CEP43: variants seen among roughly 807,000 people sequenced by gnomAD.
CEP43 encodes the protein centrosomal protein 43.
In CEP43, 36 loss-of-function variants were observed where a neutral mutation model predicts 52.6. The observed-to-expected ratio is 0.68, with a 90% CI of 0.52 to 0.90. CEP43 has a LOEUF of 0.90. Ranked by LOEUF, CEP43 falls within the 40% of genes least tolerant of loss-of-function variation. CEP43 has a pLI of 0.00. For missense variants in CEP43, 506 were observed against 472.8 expected (o/e 1.07, Z -0.65); for synonymous variants, 192 against 172.4 (o/e 1.11, Z -0.89).
chr6:167,035,243 T>G (rs1780558485), intron 12 of CEP43, among the ~76,000 whole-genome samples: 1 of 152,240 alleles, frequency 6.6e-6, no homozygotes, highest in Non-Finnish European at 1.5e-5. Flanking sequence ...GATTGGACTT[T>G]GACAGTCACT....
At position 166,999,467 on chromosome 6, in the gene CEP43, C is replaced by G. The variant is rs1175265866; in HGVS notation, c.55C>G (p.Leu19Val). Residue 19 changes from leucine (L) to valine (V), a missense_variant, in exon 1 of 13, where the codon CTG becomes GTG. Physicochemically the swap from Leu to Val is conservative, Grantham distance 32. Coordinates refer to ENST00000366847, the MANE Select transcript of CEP43 (RefSeq NM_007045.4). ...VAEEDTELRDLLVQTLENSGV... is the reference protein window; with the variant it reads ...VAEEDTELRDVLVQTLENSGV... ...CGAGGAGGACACGGAGCTGCGGGACCTGCTGGTGCAGACGCTGGAGAACAG... is the reference window on the plus strand; with the variant it reads ...CGAGGAGGACACGGAGCTGCGGGACGTGCTGGTGCAGACGCTGGAGAACAG... 4 of 1,484,460 alleles carry G rather than the reference C, an allele frequency of 2.7e-6. No individual in the cohort carries two copies. The highest frequency in any genetic ancestry group is 1.3e-5 in the South Asian group (1 of 76,990). The allele number at this position is 1,484,460 out of a possible 1,614,324, so 92.0% of individuals were successfully genotyped here. A position where few individuals can be genotyped will look rare whatever the true frequency, so the allele number is the denominator to read the frequency against.
chr6:167,028,301 T>C, intron 10 of CEP43: 1 of 985,388 alleles, frequency 1.0e-6, no homozygotes, highest in Non-Finnish European at 1.2e-6. Flanking sequence ...GGAGGGAATG[T>C]CGTTGCTGGG....
In CEP43 at chr6:167,043,897, G is replaced by A. The variant is rs974660375; in HGVS notation, c.*3919G>A. On this transcript the variant is annotated 3_prime_UTR_variant, in exon 13 of 13. Coordinates refer to ENST00000366847, the MANE Select transcript of CEP43 (RefSeq NM_007045.4). ...CGAGATAATTCAAGAACAAAAACCTGTGAAGGACTGAATGTGTCCCCCAAA... is the reference window on the plus strand; with the variant it reads ...CGAGATAATTCAAGAACAAAAACCTATGAAGGACTGAATGTGTCCCCCAAA... 1.3e-5 allele frequency: 2 copies of A among 152,214 alleles called. No individual in the cohort carries two copies. Among genetic ancestry groups the A allele is most frequent in the African/African-American group, 4.8e-5 (2 of 41,452 alleles). The allele number at this position is 152,214 out of a possible 1,614,324, so 9.4% of individuals were successfully genotyped here.
chr6:167,040,180 A>C lies in CEP43; in HGVS notation c.*202A>C. Reference sequence around the variant, plus strand: ...ATTTGAGCCCATGTGTGGAAGATTTAATATTCTTAATTTAACTGTACATTT... The same window carrying C: ...ATTTGAGCCCATGTGTGGAAGATTTCATATTCTTAATTTAACTGTACATTT... On this transcript the variant is annotated 3_prime_UTR_variant, in exon 13 of 13. Transcript: ENST00000366847. 6.5e-7 allele frequency: 1 copy of C among 1,531,212 alleles called. No homozygotes were observed. The highest frequency in any genetic ancestry group is 2.1e-4 in the Middle Eastern group (1 of 4,820). 94.9% of individuals were successfully genotyped at this position (1,531,212 alleles called of 1,614,324 possible). A position where few individuals can be genotyped will look rare whatever the true frequency, so the allele number is the denominator to read the frequency against.
intron 5 of CEP43, among the ~76,000 whole-genome samples, chr6:167,005,798 TG>T (rs1041568099): frequency 6.6e-6 from 1 of 152,230 alleles, no homozygotes; most frequent in Non-Finnish European, 1.5e-5. Context: ...CTCTCTTTAT[TG>T]GCTTTCCCCT....
In CEP43 at chr6:167,047,628, G is replaced by A. The variant is rs1027663536; in HGVS notation, c.*7650G>A. 4 of 152,112 alleles carry A rather than the reference G, an allele frequency of 2.6e-5. No homozygotes were observed. The highest frequency in any genetic ancestry group is 7.2e-5 in the African/African-American group (3 of 41,418). 9.4% of individuals were successfully genotyped at this position (152,112 alleles called of 1,614,324 possible). ...GTAAGGAGAAGAGAGAATACTTCTC[G>A]GATGATTGTTCAGTTTCTGATGAAT... On this transcript the variant is annotated 3_prime_UTR_variant, in exon 13 of 13. Coordinates refer to ENST00000366847, the MANE Select transcript of CEP43 (RefSeq NM_007045.4).
intron 12 of CEP43, among the ~76,000 whole-genome samples, chr6:167,034,705 A>G (rs1319041018): frequency 3.3e-5 from 5 of 152,224 alleles, no homozygotes; most frequent in Non-Finnish European, 7.3e-5. Context: ...GCAACCACAC[A>G]ATCTAAGTCA....
rs187413835 is a variant in CEP43 at position 167,016,949 on chromosome 6, T to G, written c.579+3382T>G. Among the ~76,000 whole-genome samples, 7 of 152,104 alleles carry G rather than the reference T, an allele frequency of 4.6e-5. No individual in the cohort carries two copies. The East Asian group carries it at 1.3e-3, about 29-fold the overall frequency. On this transcript the variant is annotated intron_variant, in intron 7 of 12. Coordinates refer to ENST00000366847, the MANE Select transcript of CEP43 (RefSeq NM_007045.4). ...CAGTCGTATGTAAATGGAAAAATGG[T>G]TATAAAAAATAATAATACAAATTTT... is the stretch of plus-strand genomic sequence containing the variant.
intron 10 of CEP43, among the ~76,000 whole-genome samples, chr6:167,031,121 A>C (rs961918044): frequency 2.6e-5 from 4 of 152,134 alleles, no homozygotes; most frequent in Admixed American, 2.0e-4. Flanking sequence ...GGGGTCTTGC[A>C]ATGTTGCCCA....
At chr6:167,017,427 A>C (rs1047133705) in intron 7 of CEP43, among the ~76,000 whole-genome samples, 13 of 152,216 alleles carry the variant, frequency 8.5e-5, no homozygotes, top group African/African-American at 3.1e-4. Context: ...CAAATACTAC[A>C]GCATTTTATA....
At chr6:167,028,017 C>T in intron 10 of CEP43, 1 of 985,692 alleles carries the variant, frequency 1.0e-6, no homozygotes, top group Non-Finnish European at 1.2e-6. Context: ...CTTTCCCTCC[C>T]TTGTGCTTTT....
intron 5 of CEP43, among the ~76,000 whole-genome samples, chr6:167,009,840 A>G (rs972433594): frequency 6.7e-6 from 1 of 150,242 alleles, no homozygotes; most frequent in African/African-American, 2.5e-5. Context: ...TGTTTCAAAA[A>G]AAAGAAAAAT....
chr6:167,015,895 A>T (rs979572986), intron 7 of CEP43, among the ~76,000 whole-genome samples: 1 of 152,200 alleles, frequency 6.6e-6, no homozygotes. Context: ...AATAAAGATT[A>T]AAGATAAAAG....
Position 166,999,433 on chromosome 6 carries a change from A to C in CEP43, c.21A>C (p.Ala7=). Residue 7 remains alanine, a synonymous_variant, in exon 1 of 13, where the codon GCA becomes GCC. Transcript: ENST00000366847. MAATAA[A]VVAEEDTELR... ...GCAAGATGGCGGCGACGGCGGCCGC[A>C]GTGGTGGCCGAGGAGGACACGGAGC... The C allele has an allele frequency of 6.8e-7, 1 of 1,478,008 alleles. No individual in the cohort carries two copies. Among genetic ancestry groups the C allele is most frequent in the Non-Finnish European group, 9.0e-7 (1 of 1,111,682 alleles). The allele number at this position is 1,478,008 out of a possible 1,614,324, so 91.6% of individuals were successfully genotyped here.
In CEP43 at chr6:167,041,702, A is replaced by G. The variant is rs1196942641; in HGVS notation, c.*1724A>G. 4 of 1,039,288 alleles carry G rather than the reference A, an allele frequency of 3.8e-6. No individual in the cohort carries two copies. The highest frequency in any genetic ancestry group is 4.6e-6 in the Non-Finnish European group (4 of 862,864). 64.4% of individuals were successfully genotyped at this position (1,039,288 alleles called of 1,614,324 possible). On this transcript the variant is annotated 3_prime_UTR_variant, in exon 13 of 13. Coordinates refer to ENST00000366847, the MANE Select transcript of CEP43 (RefSeq NM_007045.4). ...TTTTAAATTTATGAAACTTTCGAAC[A>G]GTAGCAACTGAAATTTGTCACTTTT...
At position 167,048,684 on chromosome 6, in the gene CEP43, C is replaced by T. The variant is rs1264585000; in HGVS notation, c.*8706C>T. The T allele has an allele frequency of 1.3e-5, 2 of 152,162 alleles. No homozygotes were observed. The highest frequency in any genetic ancestry group is 1.3e-4 in the Admixed American group (2 of 15,284). 9.4% of individuals were successfully genotyped at this position (152,162 alleles called of 1,614,324 possible). A position where few individuals can be genotyped will look rare whatever the true frequency, so the allele number is the denominator to read the frequency against. ...TGAAGGGGAAGACACCATGCAAATA[C>T]ATGGTAAAAATATTCAAATTATTAC... On this transcript the variant is annotated 3_prime_UTR_variant, in exon 13 of 13. Transcript: ENST00000366847.
intron 7 of CEP43, among the ~76,000 whole-genome samples, chr6:167,019,985 G>A (rs1780188782): frequency 6.6e-6 from 1 of 152,226 alleles, no homozygotes. Context: ...GCCACAGGCT[G>A]TGTCATTGTA....
Position 167,052,472 on chromosome 6 carries a change from G to GA in CEP43, c.*12497dup, listed in dbSNP as rs1318484607. The GA allele has an allele frequency of 1.3e-5, 2 of 152,144 alleles. No homozygotes were observed. The highest frequency in any genetic ancestry group is 4.8e-5 in the African/African-American group (2 of 41,410). 9.4% of individuals were successfully genotyped at this position (152,144 alleles called of 1,614,324 possible). ...TCCCAGTGACAACTCTTTGGAAGAT[G>GA]AAATCCCCCTCTTCCCTGCATCTTA... On this transcript the variant is annotated 3_prime_UTR_variant, in exon 13 of 13. Coordinates refer to ENST00000366847, the MANE Select transcript of CEP43 (RefSeq NM_007045.4).
chr6:167,016,996 T>TA lies in CEP43; in HGVS notation c.579+3429_579+3430insA, dbSNP rs1485942888. On this transcript the variant is annotated intron_variant, in intron 7 of 12. Coordinates refer to ENST00000366847, the MANE Select transcript of CEP43 (RefSeq NM_007045.4). ...TTTTATTTATTATTTATTTATTTTTTTTTTTTTTTATTTTTTTGAGATGGA... is the reference window on the plus strand; with the variant it reads ...TTTTATTTATTATTTATTTATTTTTTATTTTTTTTTATTTTTTTGAGATGGA... 5.6e-3 allele frequency among the ~76,000 whole-genome samples: 851 copies of TA among 150,876 alleles called. 9 individuals are homozygous for TA. The highest frequency in any genetic ancestry group is 0.02 in the African/African-American group (807 of 41,202).
Sources: allele counts gnomAD v4.1 joint callset (sites outside exome capture counted in the v4.1 genomes callset), GRCh38; gene constraint gnomAD v4.1.1; transcripts MANE v1.5; gene names NCBI Gene and HGNC (gene_info 2026-07-23, HGNC 2026-07-21).